Variants in KAZN observed in about 807,000 individuals in gnomAD.
The protein encoded by KAZN is kazrin, periplakin interacting protein, also known as kazrin.
A neutral mutation model predicts 87.4 loss-of-function variants in KAZN; 40 were observed. The ratio of observed to expected loss-of-function variants is 0.46; its 90% CI spans 0.36 to 0.60. The LOEUF (loss-of-function observed/expected upper bound fraction) is 0.60. Ranked by LOEUF, KAZN falls within the 20% of genes least tolerant of loss-of-function variation. The pLI is 0.00. For missense variants in KAZN, 898 were observed against 1,073.9 expected, an observed-to-expected ratio of 0.84 and a Z score of 2.29; for synonymous variants, 466 against 458.3, an observed-to-expected ratio of 1.02 and a Z score of -0.22.
intron 1 of KAZN, among the ~76,000 whole-genome samples, chr1:14,075,819 C>T (rs1021714645): frequency 3.3e-5 from 5 of 152,134 alleles, no homozygotes; most frequent in Non-Finnish European, 2.9e-5. Context: ...GGCCTCTGCC[C>T]ACCGGACGTC....
chr1:14,730,537 CAG>C (rs1643631769), intron 1 of KAZN, among the ~76,000 whole-genome samples: 2 of 152,238 alleles, frequency 1.3e-5, no homozygotes, highest in African/African-American at 2.4e-5. Context: ...GAAACACAGG[CAG>C]AGTCTCATGT....
intron 2 of KAZN, among the ~76,000 whole-genome samples, chr1:14,198,770 T>G (rs934965376): frequency 6.6e-6 from 1 of 152,188 alleles, no homozygotes; most frequent in African/African-American, 2.4e-5. Flanking sequence ...ACTGTACATA[T>G]GTTTATTTAT....
At position 14,936,599 on chromosome 1, in the gene KAZN, C is replaced by T. The variant is rs12065893; in HGVS notation, c.227-24085C>T. Among the ~76,000 whole-genome samples the T allele has an allele frequency of 3.2e-3, 485 of 152,244 alleles. 4 individuals are homozygous for T. The highest frequency in any genetic ancestry group is 0.011 in the African/African-American group (455 of 41,530). On this transcript the variant is annotated intron_variant, in intron 1 of 14. Coordinates refer to ENST00000376030, the MANE Select transcript of KAZN (RefSeq NM_201628.3). ...GCAGTTAAGGCCTCACCTACCTGCT[C>T]CGCCCCCTTTTAGATTCCCTGATCA...
intron 1 of KAZN, among the ~76,000 whole-genome samples, chr1:14,952,240 C>CTGTG (rs56104480): frequency 0.23 from 33,644 of 143,770 alleles, 4,020 homozygotes; most frequent in Admixed American, 0.28. Flanking sequence ...TTCTTTCCCA[C>CTGTG]TGTGTGTGTG....
intron 2 of KAZN, among the ~76,000 whole-genome samples, chr1:14,477,009 C>T (rs1668767040): frequency 1.3e-5 from 2 of 152,176 alleles, no homozygotes; most frequent in South Asian, 2.1e-4. Flanking sequence ...TAAATGTCAC[C>T]AACCTGGAAA....
chr1:14,827,632 T>C (rs1395293213), intron 1 of KAZN, among the ~76,000 whole-genome samples: 5 of 152,134 alleles, frequency 3.3e-5, no homozygotes, highest in Non-Finnish European at 7.4e-5. Flanking sequence ...AGGGAGTGGG[T>C]CCCAGAGAGG....
chr1:14,367,626 G>C (rs1291462389), intron 2 of KAZN, among the ~76,000 whole-genome samples: 2 of 152,164 alleles, frequency 1.3e-5, no homozygotes, highest in East Asian at 3.9e-4. Context: ...TCGGACTGCA[G>C]AGCCTGGGCT....
chr1:14,629,253 G>A (rs1045031114), intron 1 of KAZN, among the ~76,000 whole-genome samples: 1 of 152,178 alleles, frequency 6.6e-6, no homozygotes, highest in African/African-American at 2.4e-5. Flanking sequence ...GTTGGCGTGT[G>A]TTTATTTGTT....
At chr1:15,064,302 G>A (rs1291603075) in intron 7 of KAZN, among the ~76,000 whole-genome samples, 1 of 152,198 alleles carries the variant, frequency 6.6e-6, no homozygotes, top group East Asian at 1.9e-4. Context: ...CACCAGGGAA[G>A]TGGTTCAAAT....
intron 1 of KAZN, among the ~76,000 whole-genome samples, chr1:14,610,708 A>G (rs1389639336): frequency 1.3e-5 from 2 of 150,594 alleles, no homozygotes; most frequent in African/African-American, 4.9e-5. Context: ...ACTCTATACC[A>G]TCATAATTTA....
At chr1:14,703,266 G>A (rs1389690186) in intron 1 of KAZN, among the ~76,000 whole-genome samples, 1 of 152,184 alleles carries the variant, frequency 6.6e-6, no homozygotes, top group African/African-American at 2.4e-5. Context: ...GTTTGGTAGT[G>A]TCCCCACCCA....
intron 1 of KAZN, among the ~76,000 whole-genome samples, chr1:14,887,921 G>A (rs902804254): frequency 2.6e-5 from 4 of 151,992 alleles, no homozygotes; most frequent in Admixed American, 1.3e-4. Context: ...GATGGGGATC[G>A]TTAAGGGAAC....
intron 2 of KAZN, among the ~76,000 whole-genome samples, chr1:14,371,167 G>C (rs1254238665): frequency 6.6e-6 from 1 of 152,192 alleles, no homozygotes; most frequent in Non-Finnish European, 1.5e-5. Context: ...TCCAGGTTCA[G>C]TTAGTTGGTC....
intron 2 of KAZN, among the ~76,000 whole-genome samples, chr1:14,496,855 A>G (rs1669970028): frequency 1.3e-5 from 2 of 152,190 alleles, no homozygotes. Context: ...AAGAAAAAAA[A>G]AAAGCTGGAA....
chr1:13,944,751 A>G (rs1177253706), intron 1 of KAZN, among the ~76,000 whole-genome samples: 1 of 152,228 alleles, frequency 6.6e-6, no homozygotes, highest in African/African-American at 2.4e-5. Context: ...AAAAGCTACT[A>G]GAGGGATAAT....
At chr1:14,530,089 G>A (rs1230082910) in intron 2 of KAZN, among the ~76,000 whole-genome samples, 2 of 152,110 alleles carry the variant, frequency 1.3e-5, no homozygotes, top group Admixed American at 6.6e-5. Context: ...GAATCGCAGG[G>A]GCCAGGGGAA....
chr1:14,692,055 A>T (rs71510961), intron 1 of KAZN: 121,743 of 246,820 alleles, frequency 0.49, 31,276 homozygotes, highest in South Asian at 0.58. Context: ...GGTAAAAAAA[A>T]AAAATAAAAT....
At chr1:14,692,564 C>T (rs533486787) in intron 1 of KAZN, 6 of 155,984 alleles carry the variant, frequency 3.8e-5, no homozygotes, top group African/African-American at 1.4e-4. Context: ...CAAGATTGCA[C>T]ACTTCACCAC....
intron 1 of KAZN, among the ~76,000 whole-genome samples, chr1:14,008,456 C>A (rs1031178480): frequency 1.3e-5 from 2 of 152,160 alleles, no homozygotes; most frequent in Non-Finnish European, 2.9e-5. Context: ...CATGGATTAT[C>A]TGTTCATTTG....
Sources: gnomAD v4.1 joint callset for allele counts (sites outside exome capture counted in the v4.1 genomes callset) on GRCh38, gnomAD v4.1.1 for gene constraint, MANE v1.5 for transcripts, NCBI Gene and HGNC (gene_info 2026-07-23, HGNC 2026-07-21) for gene names.